Variants in SLC38A11 observed in about 807,000 individuals in gnomAD.
SLC38A11 encodes solute carrier family 38 member 11.
SLC38A11 carries 51 observed loss-of-function variants against 49.4 expected under a neutral mutation model. That is an observed-to-expected ratio of 1.03 (90% CI 0.83 to 1.30). The LOEUF is 1.30. Ranked by LOEUF, SLC38A11 falls within the 50% of genes most tolerant of loss-of-function variation. The pLI is 0.00. For synonymous variants in SLC38A11, 203 were observed against 192.9 expected (o/e 1.05, Z -0.43); for missense variants, 574 against 556.2 (o/e 1.03, Z -0.32).
chr2:164,955,497 C>T lies in SLC38A11; in HGVS notation c.-250G>A. The T allele has an allele frequency of 1.9e-6, 1 of 532,806 alleles. No homozygotes were observed. Among genetic ancestry groups the T allele is most frequent in the Non-Finnish European group, 3.4e-6 (1 of 298,452 alleles). 33.0% of individuals were successfully genotyped at this position (532,806 alleles called of 1,614,324 possible). ...CGCCCAGACAAATGTATTTTTCCTC[C>T]GGAGACGGAGATGCTGCAGGATGTT... On this transcript the variant is annotated 5_prime_UTR_variant, in exon 1 of 12. Coordinates refer to ENST00000685975, the MANE Select transcript of SLC38A11 (RefSeq NM_001351537.2).
intron 7 of SLC38A11, among the ~76,000 whole-genome samples, chr2:164,935,359 A>C (rs1687292185): frequency 6.6e-6 from 1 of 151,892 alleles, no homozygotes; most frequent in African/African-American, 2.4e-5. Context: ...ATTGAAGTGA[A>C]ACAGGTGCAT....
In SLC38A11 at chr2:164,897,166, C is replaced by T. The variant is rs1212382538; in HGVS notation, c.*1271G>A. 1.3e-5 allele frequency: 2 copies of T among 152,168 alleles called. No homozygotes were observed. Among genetic ancestry groups the T allele is most frequent in the African/African-American group, 4.8e-5 (2 of 41,516 alleles). The allele number at this position is 152,168 out of a possible 1,614,324, so 9.4% of individuals were successfully genotyped here. On this transcript the variant is annotated 3_prime_UTR_variant, in exon 12 of 12. Coordinates refer to ENST00000685975, the MANE Select transcript of SLC38A11 (RefSeq NM_001351537.2). ...AATCATTTAAAAATCCTCAGTAAAC[C>T]GAGGGCATCTGTGGTGGGCACAGCT...
At chr2:164,900,254 T>C (rs2105440994) in intron 11 of SLC38A11, among the ~76,000 whole-genome samples, 1 of 152,238 alleles carries the variant, frequency 6.6e-6, no homozygotes, top group South Asian at 2.1e-4. Context: ...AATGCTTCAA[T>C]GAACATGGGA....
chr2:164,946,165 T>C (rs1251588990), intron 3 of SLC38A11, among the ~76,000 whole-genome samples: 1 of 152,178 alleles, frequency 6.6e-6, no homozygotes, highest in Non-Finnish European at 1.5e-5. Context: ...TAGAAAACAA[T>C]ACATTTAGGA....
chr2:164,920,244 C>T (rs1241641541), intron 7 of SLC38A11, among the ~76,000 whole-genome samples: 3 of 148,670 alleles, frequency 2.0e-5, no homozygotes, highest in African/African-American at 7.5e-5. Flanking sequence ...CCACTGCACT[C>T]CACTCCAGCC....
At chr2:164,907,340 C>T (rs1685088140) in intron 11 of SLC38A11, among the ~76,000 whole-genome samples, 1 of 134,894 alleles carries the variant, frequency 7.4e-6, no homozygotes, top group Non-Finnish European at 1.5e-5. Context: ...GTGGTGCCAT[C>T]TCAGCTCACT....
intron 7 of SLC38A11, among the ~76,000 whole-genome samples, chr2:164,928,133 T>G (rs1391547913): frequency 2.0e-5 from 3 of 152,204 alleles, no homozygotes; most frequent in African/African-American, 7.2e-5. Context: ...ATCTTTCCTA[T>G]TTTTATGTAG....
chr2:164,903,414 A>G (rs1684791500), intron 11 of SLC38A11, among the ~76,000 whole-genome samples: 1 of 152,144 alleles, frequency 6.6e-6, no homozygotes, highest in Non-Finnish European at 1.5e-5. Flanking sequence ...TATAATTCTT[A>G]AGTGTTGAGA....
intron 7 of SLC38A11, among the ~76,000 whole-genome samples, chr2:164,930,538 A>T (rs556514806): frequency 3.9e-5 from 6 of 152,198 alleles, no homozygotes; most frequent in Non-Finnish European, 5.9e-5. Context: ...CCAGTAGCAC[A>T]TCAAAATGCT....
intron 7 of SLC38A11, among the ~76,000 whole-genome samples, chr2:164,916,681 A>C (rs897991122): frequency 6.6e-6 from 1 of 152,134 alleles, no homozygotes; most frequent in Non-Finnish European, 1.5e-5. Context: ...TCAAATTCCC[A>C]ACTGTAGATG....
At position 164,898,586 on chromosome 2, in the gene SLC38A11, C is replaced by T. The variant is rs754460440; in HGVS notation, c.1240G>A (p.Val414Ile). ...IGAVVMVFGF[V>I]MAITNTQDCT... The stretch of plus-strand genomic sequence containing the variant: ...TCTTGAGTATTTGTAATAGCCATGA[C>T]GAATCCAAAAACCATCACCACAGCA... The change falls in exon 12 of 12, where the codon GTC (valine) becomes ATC (isoleucine). Residue 414 changes from valine (V) to isoleucine (I), a missense_variant. Coordinates refer to ENST00000685975, the MANE Select transcript of SLC38A11 (RefSeq NM_001351537.2). 6.2e-6 allele frequency: 10 copies of T among 1,613,434 alleles called. No individual in the cohort carries two copies. Among genetic ancestry groups the T allele is most frequent in the Middle Eastern group, 3.3e-4 (2 of 6,082 alleles).
chr2:164,929,163 A>T (rs1035644101), intron 7 of SLC38A11, among the ~76,000 whole-genome samples: 1 of 152,114 alleles, frequency 6.6e-6, no homozygotes, highest in Non-Finnish European at 1.5e-5. Flanking sequence ...TCACTCACTT[A>T]CATCTTAATT....
chr2:164,911,395 A>G (rs1411033717), intron 10 of SLC38A11, among the ~76,000 whole-genome samples: 3 of 152,146 alleles, frequency 2.0e-5, no homozygotes, highest in Non-Finnish European at 4.4e-5. Context: ...TCACAGAAAT[A>G]TAAGCCAAAT....
intron 10 of SLC38A11, among the ~76,000 whole-genome samples, chr2:164,911,022 T>C (rs1248045640): frequency 6.6e-6 from 1 of 151,816 alleles, no homozygotes; most frequent in Non-Finnish European, 1.5e-5. Flanking sequence ...TATATATTTG[T>C]TATTATTTAT....
At chr2:164,943,927 G>A (rs960682991) in intron 5 of SLC38A11, among the ~76,000 whole-genome samples, 20 of 152,134 alleles carry the variant, frequency 1.3e-4, no homozygotes, top group African/African-American at 4.8e-4. Flanking sequence ...CACGATCACA[G>A]CTCACTGCAG....
At chr2:164,909,839 T>C (rs1269992724) in intron 10 of SLC38A11, among the ~76,000 whole-genome samples, 1 of 152,072 alleles carries the variant, frequency 6.6e-6, no homozygotes, top group Non-Finnish European at 1.5e-5. Context: ...TGCCTGGATA[T>C]GCAACATCTC....
intron 7 of SLC38A11, among the ~76,000 whole-genome samples, chr2:164,934,194 G>A (rs993824234): frequency 6.6e-6 from 1 of 151,986 alleles, no homozygotes; most frequent in Non-Finnish European, 1.5e-5. Context: ...CCCCTTAAAA[G>A]CAGAGATATT....
chr2:164,930,154 G>A (rs1458195612), intron 7 of SLC38A11, among the ~76,000 whole-genome samples: 4 of 152,054 alleles, frequency 2.6e-5, no homozygotes, highest in Non-Finnish European at 5.9e-5. Context: ...AACTCTAGAA[G>A]AAATGGATAA....
intron 2 of SLC38A11, chr2:164,953,015 C>A (rs746193197): frequency 4.7e-6 from 2 of 424,082 alleles, no homozygotes; most frequent in Admixed American, 8.5e-5. Flanking sequence ...TCTGAGGTGA[C>A]GGAATAAGAA....
Sources: gnomAD v4.1 joint callset for allele counts (sites outside exome capture counted in the v4.1 genomes callset) on GRCh38, gnomAD v4.1.1 for gene constraint, MANE v1.5 for transcripts, NCBI Gene and HGNC (gene_info 2026-07-23, HGNC 2026-07-21) for gene names.